Variants in NFAM1 observed in about 807,000 individuals in gnomAD.
NFAM1 encodes the protein NFAT activating protein with ITAM motif 1, also known as NFAT activation molecule 1.
NFAM1 carries 17 observed loss-of-function variants against 29.0 expected under a neutral mutation model. The ratio of observed to expected loss-of-function variants is 0.59; its 90% CI spans 0.40 to 0.88. NFAM1 has a LOEUF of 0.88. Ranked by LOEUF, NFAM1 falls within the 40% of genes least tolerant of loss-of-function variation. NFAM1 has a pLI of 0.00. For synonymous variants in NFAM1, 175 were observed against 147.2 expected, an observed-to-expected ratio of 1.19 and a Z score of -1.36; for missense variants, 324 against 344.6, an observed-to-expected ratio of 0.94 and a Z score of 0.47.
intron 3 of NFAM1, among the ~76,000 whole-genome samples, chr22:42,400,189 G>A (rs993724578): frequency 4.6e-5 from 7 of 152,206 alleles, no homozygotes; most frequent in South Asian, 2.1e-4. Flanking sequence ...TAGTTAGAAC[G>A]TGTGAGCCTC....
Position 42,385,218 on chromosome 22 carries a change from C to T in NFAM1, c.756G>A (p.Glu252=). The part of the protein sequence containing the change: ...PTAKQSPLSQ[E]RPHRFEDDGE... ...CATCATCTTCGAATCTATGCGGTCTCTCCTGGATAGAAAAGAAGAAAGGGA... is the reference window on the plus strand; with the variant it reads ...CATCATCTTCGAATCTATGCGGTCTTTCCTGGATAGAAAAGAAGAAAGGGA... The change falls in exon 6 of 6, where the codon GAG becomes GAA. Residue 252 remains glutamate, a splice_region_variant and synonymous_variant. Transcript: ENST00000329021. 6.2e-7 allele frequency: 1 copy of T among 1,605,058 alleles called. No individual in the cohort carries two copies. The highest frequency in any genetic ancestry group is 8.5e-7 in the Non-Finnish European group (1 of 1,171,760).
upstream of NFAM1, among the ~76,000 whole-genome samples, chr22:42,435,367 GAC>G (rs1930914191): frequency 7.1e-6 from 1 of 140,094 alleles, no homozygotes; most frequent in African/African-American, 2.7e-5. Context: ...TTTTTTTTGA[GAC>G]AGAATTTTTC....
chr22:42,402,831 CTTTTTTTTTTTTT>C (rs35045065), intron 3 of NFAM1, among the ~76,000 whole-genome samples: 2 of 97,130 alleles, frequency 2.1e-5, no homozygotes, highest in Non-Finnish European at 3.8e-5. Flanking sequence ...TCTGTGCCTT[CTTTTTTTTTTTTT>C]TTTTTTTTTG....
intron 4 of NFAM1, among the ~76,000 whole-genome samples, chr22:42,387,933 C>T (rs373825463): frequency 4.7e-4 from 71 of 152,322 alleles, no homozygotes; most frequent in Middle Eastern, 3.4e-3. Flanking sequence ...TGGGTCATGT[C>T]GGAGTCCTGC....
rs1426835485 is a variant in NFAM1 at position 42,381,188 on chromosome 22, T to G, written c.*3973A>C. 1 of 152,718 alleles carries G rather than the reference T, an allele frequency of 6.5e-6. No homozygotes were observed. Among genetic ancestry groups the G allele is most frequent in the African/African-American group, 2.4e-5 (1 of 41,450 alleles). 9.5% of individuals were successfully genotyped at this position (152,718 alleles called of 1,614,324 possible). A position where few individuals can be genotyped will look rare whatever the true frequency, so the allele number is the denominator to read the frequency against. On this transcript the variant is annotated 3_prime_UTR_variant, in exon 6 of 6. Coordinates refer to ENST00000329021, the MANE Select transcript of NFAM1 (RefSeq NM_145912.8). ...GACAGCCAGTGGCCTCCTAGCTTAGTTCTGGGCCCCCGCCTGCAAGCACAC... is the reference window on the plus strand; with the variant it reads ...GACAGCCAGTGGCCTCCTAGCTTAGGTCTGGGCCCCCGCCTGCAAGCACAC...
At chr22:42,414,902 T>G (rs557501719) in intron 1 of NFAM1, among the ~76,000 whole-genome samples, 31 of 152,196 alleles carry the variant, frequency 2.0e-4, no homozygotes, top group Non-Finnish European at 3.4e-4. Flanking sequence ...AATGATGAAC[T>G]CTGCTACTGC....
chr22:42,434,843 G>A (rs1178938876), upstream of NFAM1, among the ~76,000 whole-genome samples: 1 of 152,166 alleles, frequency 6.6e-6, no homozygotes, highest in Non-Finnish European at 1.5e-5. Context: ...GGTCCCTGGG[G>A]ACCACACGTC....
chr22:42,405,405 C>T (rs988783838), intron 3 of NFAM1, among the ~76,000 whole-genome samples: 4 of 152,310 alleles, frequency 2.6e-5, no homozygotes, highest in East Asian at 3.9e-4. Flanking sequence ...TCTGTGTCCA[C>T]GCCCCAGCTC....
At chr22:42,435,806 TTTCTTC>T (rs201045671), upstream of NFAM1, among the ~76,000 whole-genome samples, 1 of 146,720 alleles carries the variant, frequency 6.8e-6, no homozygotes, top group Admixed American at 6.7e-5. Flanking sequence ...AAGATTTCCT[TTTCTTC>T]TTCTTTTTTT....
At chr22:42,428,030 G>GAT (rs66596852) in intron 1 of NFAM1, among the ~76,000 whole-genome samples, 2,313 of 152,326 alleles carry the variant, frequency 0.015, 62 homozygotes, top group African/African-American at 0.053. Flanking sequence ...GTTTTTGTGC[G>GAT]ATAGTTCACC....
At chr22:42,420,013 T>G (rs188673987) in intron 1 of NFAM1, among the ~76,000 whole-genome samples, 21,158 of 124,308 alleles carry the variant, frequency 0.17, 2,459 homozygotes, top group Admixed American at 0.29. Flanking sequence ...TTTTTTTTTT[T>G]TTTTTTTTTT....
chr22:42,404,957 A>T (rs1485423489), intron 3 of NFAM1, among the ~76,000 whole-genome samples: 1 of 151,554 alleles, frequency 6.6e-6, no homozygotes, highest in Non-Finnish European at 1.5e-5. Context: ...CTCAGAGAGG[A>T]TCCAAACCTG....
At chr22:42,424,458 A>G (rs1284353806) in intron 1 of NFAM1, among the ~76,000 whole-genome samples, 1 of 152,170 alleles carries the variant, frequency 6.6e-6, no homozygotes, top group Non-Finnish European at 1.5e-5. Context: ...TACAAACAAC[A>G]AGAAAAAGAA....
chr22:42,421,746 T>C (rs1930454008), intron 1 of NFAM1, among the ~76,000 whole-genome samples: 1 of 152,244 alleles, frequency 6.6e-6, no homozygotes. Flanking sequence ...GAAAACACTT[T>C]GATTCCCCAG....
intron 4 of NFAM1, among the ~76,000 whole-genome samples, chr22:42,390,707 C>G (rs1440732894): frequency 6.6e-6 from 1 of 150,890 alleles, no homozygotes; most frequent in Admixed American, 6.7e-5. Flanking sequence ...GTCCCAGATA[C>G]TCAGGAGGCT....
chr22:42,422,133 C>T (rs374596287), intron 1 of NFAM1, among the ~76,000 whole-genome samples: 3 of 152,184 alleles, frequency 2.0e-5, no homozygotes, highest in East Asian at 1.9e-4. Context: ...TGCCTCAAGA[C>T]GTGGCCATTT....
chr22:42,392,863 A>G (rs765631002), intron 4 of NFAM1, among the ~76,000 whole-genome samples: 38 of 151,614 alleles, frequency 2.5e-4, no homozygotes, highest in African/African-American at 7.0e-4. Context: ...GCAGTGGCAT[A>G]ATCTCGGCTC....
intron 2 of NFAM1, 72 bp downstream of exon 2, chr22:42,411,335 A>G: frequency 8.1e-7 from 1 of 1,241,720 alleles, no homozygotes; most frequent in Non-Finnish European, 1.1e-6. Context: ...TCTATTTCCG[A>G]TCCAAAGTCC....
intron 4 of NFAM1, among the ~76,000 whole-genome samples, chr22:42,397,465 C>A (rs554558142): frequency 6.6e-6 from 1 of 152,278 alleles, no homozygotes; most frequent in Admixed American, 6.5e-5. Flanking sequence ...CTGACCTCTT[C>A]CTCTTTTTGT....
Sources: allele counts gnomAD v4.1 joint callset (sites outside exome capture counted in the v4.1 genomes callset), GRCh38; gene constraint gnomAD v4.1.1; transcripts MANE v1.5; gene names NCBI Gene and HGNC (gene_info 2026-07-23, HGNC 2026-07-21).